NCKAP5: variants seen among roughly 807,000 people sequenced by gnomAD.
The protein encoded by NCKAP5 is NCK associated protein 5.
NCKAP5 carries 92 observed loss-of-function variants against 167.0 expected under a neutral mutation model. The observed-to-expected ratio is 0.55, with a 90% CI of 0.47 to 0.66. The LOEUF (loss-of-function observed/expected upper bound fraction) is 0.66, where lower values mean the gene tolerates loss of function less well. NCKAP5 is among the 30% of genes least tolerant of loss of function. The pLI is 0.00. For synonymous variants in NCKAP5, 891 were observed against 877.4 expected (o/e 1.02, Z -0.27); for missense variants, 2,378 against 2,315.0 (o/e 1.03, Z -0.56).
intron 2 of NCKAP5, among the ~76,000 whole-genome samples, chr2:133,554,806 TGTGA>T (rs1469991392): frequency 6.6e-6 from 1 of 152,096 alleles, no homozygotes; most frequent in African/African-American, 2.4e-5. Context: ...AGAAATCAGC[TGTGA>T]AGACATACCA....
intron 5 of NCKAP5, among the ~76,000 whole-genome samples, chr2:133,132,974 C>A (rs950325507): frequency 3.3e-5 from 5 of 152,128 alleles, no homozygotes; most frequent in Admixed American, 6.5e-5. Flanking sequence ...CCACGCCCAG[C>A]CTGTACCCAA....
At chr2:132,688,038 C>T (rs1686195925) in intron 19 of NCKAP5, among the ~76,000 whole-genome samples, 1 of 152,124 alleles carries the variant, frequency 6.6e-6, no homozygotes. Flanking sequence ...TACAAAACAC[C>T]CTTGGCTTCC....
At chr2:133,137,406 T>TGTGTGTGTG (rs2082828771) in intron 5 of NCKAP5, among the ~76,000 whole-genome samples, 22 of 136,300 alleles carry the variant, frequency 1.6e-4, no homozygotes, top group African/African-American at 6.1e-4. Context: ...GAGCTTGGTT[T>TGTGTGTGTG]TGTGTGTGTG....
At chr2:133,617,853 CT>C in the NCKAP5 span, among the ~76,000 whole-genome samples, 2 of 151,122 alleles carry the variant, frequency 1.3e-5, no homozygotes, top group Non-Finnish European at 3.0e-5. Context: ...CAAGTCAATC[CT>C]AAGCCAAAAG....
chr2:133,451,571 T>C (rs1159888173), intron 3 of NCKAP5, among the ~76,000 whole-genome samples: 1 of 152,194 alleles, frequency 6.6e-6, no homozygotes. Context: ...TTTTTATCTT[T>C]TCCACCAAGG....
chr2:132,721,001 G>A (rs116415554), intron 19 of NCKAP5, among the ~76,000 whole-genome samples: 3,313 of 137,976 alleles, frequency 0.024, 136 homozygotes, highest in African/African-American at 0.088. Context: ...GGTACACAGT[G>A]AGACTCCATC....
At chr2:133,159,786 G>T (rs541830700) in intron 5 of NCKAP5, among the ~76,000 whole-genome samples, 1 of 152,122 alleles carries the variant, frequency 6.6e-6, no homozygotes, top group Non-Finnish European at 1.5e-5. Flanking sequence ...ACAGTGACAG[G>T]CACAAGCAAG....
chr2:132,924,700 A>G (rs1458755909), intron 8 of NCKAP5, among the ~76,000 whole-genome samples: 1 of 152,216 alleles, frequency 6.6e-6, no homozygotes, highest in Non-Finnish European at 1.5e-5. Flanking sequence ...AAAGTCTTAC[A>G]TATACATCAG....
At chr2:133,306,536 T>A in intron 3 of NCKAP5, among the ~76,000 whole-genome samples, 1 of 152,170 alleles carries the variant, frequency 6.6e-6, no homozygotes, top group South Asian at 2.1e-4. Flanking sequence ...TCTTTTTTAA[T>A]GTTGAGATGA....
intron 19 of NCKAP5, among the ~76,000 whole-genome samples, chr2:132,721,045 C>T (rs1197244150): frequency 1.3e-5 from 2 of 151,040 alleles, no homozygotes; most frequent in African/African-American, 4.9e-5. Context: ...CACAGTAGCT[C>T]ATGCCTGTAT....
At chr2:133,420,735 C>A (rs1689421535) in intron 3 of NCKAP5, among the ~76,000 whole-genome samples, 1 of 152,134 alleles carries the variant, frequency 6.6e-6, no homozygotes, top group African/African-American at 2.4e-5. Context: ...TTATTCAAGC[C>A]TCACAGCAAA....
chr2:133,045,569 G>T (rs919362734), intron 6 of NCKAP5, among the ~76,000 whole-genome samples: 1 of 151,986 alleles, frequency 6.6e-6, no homozygotes, highest in African/African-American at 2.4e-5. Context: ...TATTTATAGG[G>T]GATGCATTCC....
At chr2:133,462,946 T>C (rs1244026631) in intron 3 of NCKAP5, among the ~76,000 whole-genome samples, 1 of 152,260 alleles carries the variant, frequency 6.6e-6, no homozygotes, top group Admixed American at 6.5e-5. Context: ...GAAACAGTTC[T>C]CTGCCACTGC....
intron 7 of NCKAP5, among the ~76,000 whole-genome samples, chr2:132,983,995 A>ATG (rs1425817095): frequency 4.4e-4 from 67 of 152,290 alleles, no homozygotes; most frequent in African/African-American, 1.3e-3. Flanking sequence ...GGTGGCTCAC[A>ATG]CCTGGAATCC....
intron 9 of NCKAP5, among the ~76,000 whole-genome samples, chr2:132,870,332 T>C (rs1690709592): frequency 6.6e-6 from 1 of 152,188 alleles, no homozygotes; most frequent in Admixed American, 6.5e-5. Context: ...GGTGGACAGG[T>C]GAACTAGGTG....
At chr2:133,118,192 T>C (rs1309370331) in intron 6 of NCKAP5, 1 of 152,186 alleles carries the variant, frequency 6.6e-6, no homozygotes. Context: ...GTAACTCTTT[T>C]TTTTACCCTA....
chr2:133,141,809 C>T (rs2083008970), intron 5 of NCKAP5, among the ~76,000 whole-genome samples: 1 of 152,148 alleles, frequency 6.6e-6, no homozygotes, highest in African/African-American at 2.4e-5. Context: ...ATTATTTCAT[C>T]GTAGATTATA....
intron 7 of NCKAP5, among the ~76,000 whole-genome samples, chr2:132,991,700 C>A (rs2149301813): frequency 1.3e-5 from 2 of 152,264 alleles, no homozygotes; most frequent in South Asian, 4.1e-4. Flanking sequence ...GTAACTCCAG[C>A]TTTCCCAGGG....
intron 3 of NCKAP5, among the ~76,000 whole-genome samples, chr2:133,454,422 G>C (rs997241173): frequency 2.0e-5 from 3 of 152,056 alleles, no homozygotes; most frequent in African/African-American, 7.2e-5. Flanking sequence ...AGTGCTCTAA[G>C]TGCCTTTGAG....
Sources: gnomAD v4.1 joint callset for allele counts (sites outside exome capture counted in the v4.1 genomes callset) on GRCh38, gnomAD v4.1.1 for gene constraint, MANE v1.5 for transcripts, NCBI Gene and HGNC (gene_info 2026-07-23, HGNC 2026-07-21) for gene names.